The following ESRRB variants were observed in gnomAD, a reference collection of about 807,000 sequenced individuals.
The protein encoded by ESRRB is estrogen related receptor beta.
ESRRB carries 16 observed loss-of-function variants against 46.0 expected under a neutral mutation model. That is an observed-to-expected ratio of 0.35 (90% CI 0.24 to 0.53). The LOEUF (loss-of-function observed/expected upper bound fraction) is 0.53. Ranked by LOEUF, ESRRB falls within the 20% of genes least tolerant of loss-of-function variation. ESRRB has a pLI of 0.93. For missense variants in ESRRB, 488 were observed against 607.4 expected (o/e 0.80, Z 2.07); for synonymous variants, 246 against 259.6 (o/e 0.95, Z 0.50).
chr14:76,314,862 C>T (rs1056915216), intron 1 of ESRRB, among the ~76,000 whole-genome samples: 1 of 152,052 alleles, frequency 6.6e-6, no homozygotes, highest in African/African-American at 2.4e-5. Flanking sequence ...CCTGGCTCCC[C>T]TGGAGAGAGA....
intron 2 of ESRRB, among the ~76,000 whole-genome samples, chr14:76,454,061 G>A (rs1307005194): frequency 1.3e-5 from 2 of 152,188 alleles, no homozygotes; most frequent in Non-Finnish European, 2.9e-5. Context: ...CAGAGATGTT[G>A]CAAGAGTCCC....
At chr14:76,442,762 T>C (rs865826070) in intron 2 of ESRRB, among the ~76,000 whole-genome samples, 16 of 151,756 alleles carry the variant, frequency 1.1e-4, no homozygotes, top group African/African-American at 3.1e-4. Flanking sequence ...CTAACAGGAC[T>C]CAGATTATTT....
intron 1 of ESRRB, among the ~76,000 whole-genome samples, chr14:76,419,068 G>A (rs2139883000): frequency 6.6e-6 from 1 of 151,722 alleles, no homozygotes; most frequent in African/African-American, 2.4e-5. Flanking sequence ...TGCCTGGAGT[G>A]CGATGGCACG....
Position 76,322,572 on chromosome 14 carries a change from A to G in ESRRB, c.2+11656A>G, listed in dbSNP as rs1386683885. Among the ~76,000 whole-genome samples, 4 of 151,102 alleles carry G rather than the reference A, an allele frequency of 2.6e-5. No homozygotes were observed. In the South Asian group the frequency reaches 6.3e-4, roughly 24 times the overall value. ...CACATCTTGTGTTTTTCCCCACCAT[A>G]CTCTTTCCACAGGTCATCTTTCTTG... On this transcript the variant is annotated intron_variant, in intron 1 of 6. Coordinates refer to the ESRRB transcript ENST00000512784.
intron 1 of ESRRB, among the ~76,000 whole-genome samples, chr14:76,338,134 G>A (rs1884150114): frequency 1.3e-5 from 2 of 152,198 alleles, no homozygotes; most frequent in East Asian, 3.9e-4. Flanking sequence ...CTCTCCGAAT[G>A]AAACAATTTC....
chr14:76,366,017 G>A (rs1461592023), intron 1 of ESRRB, among the ~76,000 whole-genome samples: 2 of 152,124 alleles, frequency 1.3e-5, no homozygotes, highest in African/African-American at 4.8e-5. Context: ...TCCTGCCTCC[G>A]CTTACAACAG....
intron 3 of ESRRB, among the ~76,000 whole-genome samples, chr14:76,479,045 C>T (rs1411497551): frequency 6.6e-6 from 1 of 152,156 alleles, no homozygotes; most frequent in Non-Finnish European, 1.5e-5. Context: ...CAGTGCTCCT[C>T]AAACTCTGTT....
chr14:76,315,329 C>T (rs941336671), intron 1 of ESRRB, among the ~76,000 whole-genome samples: 1 of 152,102 alleles, frequency 6.6e-6, no homozygotes, highest in Non-Finnish European at 1.5e-5. Context: ...AGAGTCCATG[C>T]TTCATTTCTC....
chr14:76,315,530 C>T (rs1883789493), intron 1 of ESRRB, among the ~76,000 whole-genome samples: 1 of 152,158 alleles, frequency 6.6e-6, no homozygotes, highest in Admixed American at 6.5e-5. Context: ...TTCCCATCTG[C>T]AAAATGGGGA....
intron 2 of ESRRB, among the ~76,000 whole-genome samples, chr14:76,453,536 G>A (rs1199219143): frequency 2.0e-5 from 3 of 150,990 alleles, no homozygotes; most frequent in Non-Finnish European, 4.4e-5. Context: ...TGTTTTTCTC[G>A]TATTTTCTCT....
At chr14:76,392,356 A>G (rs1263544330) in intron 1 of ESRRB, among the ~76,000 whole-genome samples, 1 of 152,100 alleles carries the variant, frequency 6.6e-6, no homozygotes, top group African/African-American at 2.4e-5. Flanking sequence ...AGAATTTATC[A>G]ACTTGGAGGG....
chr14:76,498,934 C>A lies in ESRRB; in HGVS notation c.*476C>A. The A allele has an allele frequency of 2.0e-6, 1 of 493,666 alleles. No individual in the cohort carries two copies. The highest frequency in any genetic ancestry group is 1.5e-5 in the South Asian group (1 of 65,096). 30.6% of individuals were successfully genotyped at this position (493,666 alleles called of 1,614,324 possible). On this transcript the variant is annotated 3_prime_UTR_variant, in exon 7 of 7. Transcript: ENST00000644823. ...GCAGGTACGCAAGGGACAACAGTAT[C>A]TTTCTTCCAGAGGTCCTACCTGCTC...
intron 1 of ESRRB, among the ~76,000 whole-genome samples, chr14:76,355,337 C>T (rs1017873842): frequency 2.6e-5 from 4 of 152,168 alleles, no homozygotes; most frequent in South Asian, 2.1e-4. Flanking sequence ...CCACGCCCTT[C>T]TCCCTTTCAC....
chr14:76,473,976 C>T (rs1889474642), intron 3 of ESRRB, among the ~76,000 whole-genome samples: 1 of 152,224 alleles, frequency 6.6e-6, no homozygotes, highest in African/African-American at 2.4e-5. Context: ...CGAGGGGCAC[C>T]AGCCTGGTGA....
At chr14:76,419,311 G>C (rs1015121460) in intron 1 of ESRRB, among the ~76,000 whole-genome samples, 1 of 152,154 alleles carries the variant, frequency 6.6e-6, no homozygotes, top group Non-Finnish European at 1.5e-5. Context: ...CACCGCACAC[G>C]GCTGAGAGTC....
intron 1 of ESRRB, among the ~76,000 whole-genome samples, chr14:76,329,038 G>A (rs1883971264): frequency 6.6e-6 from 1 of 152,166 alleles, no homozygotes; most frequent in Non-Finnish European, 1.5e-5. Flanking sequence ...TGTCAGCATG[G>A]TTATGGGAGT....
chr14:76,382,099 G>A (rs955285439), intron 1 of ESRRB, among the ~76,000 whole-genome samples: 9 of 152,130 alleles, frequency 5.9e-5, no homozygotes, highest in Non-Finnish European at 8.8e-5. Flanking sequence ...TCTGAACCTC[G>A]AAACATCAAA....
At chr14:76,315,395 C>T (rs1050872618) in intron 1 of ESRRB, among the ~76,000 whole-genome samples, 9 of 152,146 alleles carry the variant, frequency 5.9e-5, no homozygotes, top group African/African-American at 2.2e-4. Context: ...GACCCGTGCT[C>T]TACGGACAGT....
chr14:76,439,203 C>A, intron 1 of ESRRB, 138 bp from the exon 2 acceptor site: 1 of 996,784 alleles, frequency 1.0e-6, no homozygotes, highest in Non-Finnish European at 1.6e-6. Flanking sequence ...GGGAGACCAG[C>A]TGACCTTCTC....
Sources: gnomAD v4.1 joint callset for allele counts (sites outside exome capture counted in the v4.1 genomes callset) on GRCh38, gnomAD v4.1.1 for gene constraint, MANE v1.5 for transcripts, NCBI Gene and HGNC (gene_info 2026-07-23, HGNC 2026-07-21) for gene names.